The following COL15A1 variants were observed in gnomAD, a reference collection of about 807,000 sequenced individuals.
The protein encoded by COL15A1 is collagen alpha-1(XV) chain.
COL15A1 carries 111 observed loss-of-function variants against 165.9 expected under a neutral mutation model. That is an observed-to-expected ratio of 0.67 (90% confidence interval 0.57 to 0.78). The LOEUF (loss-of-function observed/expected upper bound fraction) is 0.78, where lower values mean the gene tolerates loss of function less well. Among genes scored for constraint, COL15A1 ranks in the 30% least tolerant of loss-of-function variants. COL15A1 has a pLI of 0.00. For synonymous variants in COL15A1, 659 were observed against 674.8 expected, an observed-to-expected ratio of 0.98 and a Z score of 0.36; for missense variants, 1,745 against 1,789.7, an observed-to-expected ratio of 0.98 and a Z score of 0.45.
At chr9:98,965,333 G>A (rs2050257) in intron 2 of COL15A1, among the ~76,000 whole-genome samples, 53,827 of 152,034 alleles carry the variant, frequency 0.35, 9,807 homozygotes, top group Middle Eastern at 0.44. Flanking sequence ...ATTGAGAGTA[G>A]CAAGAGCTGG....
At position 99,015,400 on chromosome 9, in the gene COL15A1, T is replaced by A. The variant is rs1838912361; in HGVS notation, c.1354-17T>A. 2 of 1,597,656 alleles carry A rather than the reference T, an allele frequency of 1.3e-6. No homozygotes were observed. The highest frequency in any genetic ancestry group is 1.7e-6 in the Non-Finnish European group (2 of 1,166,556). On this transcript the variant is annotated splice_polypyrimidine_tract_variant and intron_variant, in intron 9 of 41. Coordinates refer to ENST00000375001, the MANE Select transcript of COL15A1 (RefSeq NM_001855.5). ...ATGGGCGAAGGGGCACAGCTCCTCA[T>A]GCCAATTTCATTTCAGGGTCCAAGC...
At chr9:98,972,427 T>C (rs571610817) in intron 2 of COL15A1, among the ~76,000 whole-genome samples, 7 of 152,344 alleles carry the variant, frequency 4.6e-5, no homozygotes, top group African/African-American at 1.2e-4. Context: ...CAGCCTACCT[T>C]ACCTAGTCCC....
chr9:98,975,460 G>A (rs1838127103), intron 2 of COL15A1, among the ~76,000 whole-genome samples: 1 of 152,234 alleles, frequency 6.6e-6, no homozygotes, highest in Non-Finnish European at 1.5e-5. Flanking sequence ...AGGAGGAGGA[G>A]AGGTGAGAGT....
At chr9:99,019,009 G>A in intron 11 of COL15A1, among the ~76,000 whole-genome samples, 1 of 152,288 alleles carries the variant, frequency 6.6e-6, no homozygotes, top group South Asian at 2.1e-4. Context: ...GAGAGAGTTA[G>A]AGATAGAATG....
intron 2 of COL15A1, among the ~76,000 whole-genome samples, chr9:98,948,326 C>A (rs757137781): frequency 1.3e-5 from 2 of 152,102 alleles, no homozygotes; most frequent in African/African-American, 4.8e-5. Context: ...CGGCCGGGCG[C>A]GGTGGCTCAC....
chr9:99,007,075 A>G (rs1449404670), intron 9 of COL15A1, among the ~76,000 whole-genome samples: 1 of 152,224 alleles, frequency 6.6e-6, no homozygotes, highest in Non-Finnish European at 1.5e-5. Flanking sequence ...CCAGAAAAGC[A>G]GGACAACTCA....
intron 7 of COL15A1, among the ~76,000 whole-genome samples, chr9:99,002,703 AT>A (rs1418018084): frequency 6.6e-6 from 1 of 152,202 alleles, no homozygotes; most frequent in Admixed American, 6.5e-5. Flanking sequence ...TTCTGCAAGG[AT>A]TTAATATATT....
chr9:99,041,970 A>G (rs1839412660), intron 23 of COL15A1, 75 bp from the exon 24 acceptor site: 1 of 1,008,774 alleles, frequency 9.9e-7, no homozygotes, highest in Non-Finnish European at 1.5e-6. Flanking sequence ...ACTGTTGAGA[A>G]AAAATATATT....
intron 12 of COL15A1, 98 bp from the exon 13 acceptor site, chr9:99,021,993 T>G (rs1839036220): frequency 2.0e-6 from 3 of 1,516,078 alleles, no homozygotes; most frequent in African/African-American, 2.7e-5. Flanking sequence ...CTTTCCTGTG[T>G]GATCCTGATT....
intron 36 of COL15A1, among the ~76,000 whole-genome samples, chr9:99,060,870 A>G (rs184610443): frequency 2.6e-5 from 4 of 151,942 alleles, no homozygotes; most frequent in Non-Finnish European, 4.4e-5. Flanking sequence ...AAAAAGCAAT[A>G]CCCCATCTCT....
chr9:99,045,568 G>T (rs750653569), intron 26 of COL15A1, among the ~76,000 whole-genome samples: 9 of 152,078 alleles, frequency 5.9e-5, no homozygotes, highest in Non-Finnish European at 1.3e-4. Flanking sequence ...ATTCTCTATG[G>T]GTCAGACTGT....
intron 9 of COL15A1, among the ~76,000 whole-genome samples, chr9:99,009,680 A>C (rs918786952): frequency 8.5e-5 from 13 of 152,238 alleles, no homozygotes; most frequent in Admixed American, 8.5e-4. Context: ...TGATACCTCA[A>C]AGAGTTAAAA....
chr9:99,029,695 G>A (rs1327184142), intron 16 of COL15A1, among the ~76,000 whole-genome samples: 1 of 152,144 alleles, frequency 6.6e-6, no homozygotes, highest in Non-Finnish European at 1.5e-5. Context: ...AAGCCTAGGT[G>A]GGTGGATCAC....
chr9:99,024,342 G>A (rs1270714023), intron 14 of COL15A1, among the ~76,000 whole-genome samples: 2 of 146,594 alleles, frequency 1.4e-5, no homozygotes, highest in East Asian at 2.0e-4. Context: ...GTGCAGTGGC[G>A]CGGTCTCGGC....
chr9:98,983,340 A>G (rs978464588), intron 2 of COL15A1, among the ~76,000 whole-genome samples: 1 of 152,126 alleles, frequency 6.6e-6, no homozygotes, highest in Non-Finnish European at 1.5e-5. Flanking sequence ...GGTCATTGAT[A>G]TAGTAGGCAG....
chr9:99,048,242 A>C (rs1226608465), intron 28 of COL15A1, among the ~76,000 whole-genome samples: 1 of 152,162 alleles, frequency 6.6e-6, no homozygotes, highest in African/African-American at 2.4e-5. Flanking sequence ...GGAGTAGGGG[A>C]GAAAGGGATC....
chr9:99,060,983 C>CA (rs1825806705), intron 36 of COL15A1, among the ~76,000 whole-genome samples: 1 of 152,244 alleles, frequency 6.6e-6, no homozygotes, highest in Non-Finnish European at 1.5e-5. Flanking sequence ...CAGTCTTCTC[C>CA]ATTCTGCCAA....
intron 2 of COL15A1, among the ~76,000 whole-genome samples, chr9:98,970,624 T>G (rs1838033138): frequency 6.6e-6 from 1 of 152,234 alleles, no homozygotes; most frequent in Non-Finnish European, 1.5e-5. Context: ...GAACTCTTCA[T>G]TCAAATGAGA....
At chr9:98,964,198 C>T (rs368515044) in intron 2 of COL15A1, among the ~76,000 whole-genome samples, 22 of 152,160 alleles carry the variant, frequency 1.4e-4, no homozygotes, top group Middle Eastern at 3.4e-3. Flanking sequence ...CCGAGGTCAC[C>T]TCCCCTCCCA....
Sources: allele counts gnomAD v4.1 joint callset (sites outside exome capture counted in the v4.1 genomes callset), GRCh38; gene constraint gnomAD v4.1.1; transcripts MANE v1.5; gene names NCBI Gene and HGNC (gene_info 2026-07-23, HGNC 2026-07-21).